PRKAG1: variants seen among roughly 807,000 people sequenced by gnomAD.
PRKAG1 encodes 5'-AMP-activated protein kinase subunit gamma-1.
A neutral mutation model predicts 48.2 loss-of-function variants in PRKAG1; 27 were observed. The ratio of observed to expected loss-of-function variants is 0.56; its 90% CI spans 0.41 to 0.77. The LOEUF is 0.77. Ranked by LOEUF, PRKAG1 falls within the 30% of genes least tolerant of loss-of-function variation. PRKAG1 has a pLI of 0.00. For synonymous variants in PRKAG1, 130 were observed against 147.7 expected (o/e 0.88, Z 0.87); for missense variants, 287 against 398.3 (o/e 0.72, Z 2.38).
At position 49,005,700 on chromosome 12, in the gene PRKAG1, C is replaced by G; in HGVS notation, c.168+43G>C. On this transcript the variant is annotated intron_variant, in intron 3 of 11. Transcript: ENST00000548065. The surrounding 1 kb of genome is among the most constrained non-coding windows in gnomAD (Gnocchi z 4.1). ...ATGAGATAGGATGAGAGGTATTAAA[C>G]CACAGGCTCCAAAGGGGGAAGGGAA... is the stretch of plus-strand genomic sequence containing the variant. 5 of 1,608,066 alleles carry G rather than the reference C, an allele frequency of 3.1e-6. No individual in the cohort carries two copies. The highest frequency in any genetic ancestry group is 4.3e-6 in the Non-Finnish European group (5 of 1,174,660).
At chr12:49,008,178 C>G (rs1393637451) in intron 2 of PRKAG1, among the ~76,000 whole-genome samples, 4 of 152,200 alleles carry the variant, frequency 2.6e-5, no homozygotes, top group African/African-American at 9.6e-5. Flanking sequence ...ATCATTTTGA[C>G]TGAATATTTA....
chr12:49,007,219 G>A (rs1015129904), intron 2 of PRKAG1, among the ~76,000 whole-genome samples: 2 of 151,806 alleles, frequency 1.3e-5, no homozygotes, highest in Non-Finnish European at 2.9e-5. Context: ...CCCAGGAGGT[G>A]GAGGTTGCAG....
chr12:49,003,191 G>C lies in PRKAG1; in HGVS notation c.841C>G (p.Leu281Val). The C allele has an allele frequency of 6.2e-7, 1 of 1,614,182 alleles. No individual in the cohort carries two copies. The highest frequency in any genetic ancestry group is 8.5e-7 in the Non-Finnish European group (1 of 1,180,036). ...HYFEGVLKCY[L>V]HETLETIINR... ...ATGATGGTCTCCAGAGTCTCATGCA[G>C]GTAGCACTTGAGAACACCCTCAAAG... Residue 281 changes from leucine to valine, a missense_variant, in exon 11 of 12, where the codon CTG (leucine) becomes GTG (valine). Transcript: ENST00000548065.
At chr12:49,008,123 T>G (rs1233156230) in intron 2 of PRKAG1, among the ~76,000 whole-genome samples, 1 of 152,174 alleles carries the variant, frequency 6.6e-6, no homozygotes, top group Non-Finnish European at 1.5e-5. Context: ...CCTCCCAAAG[T>G]GCTGAGATTA....
intron 1 of PRKAG1, chr12:49,018,475 A>T: frequency 7.4e-7 from 1 of 1,358,446 alleles, no homozygotes; most frequent in Non-Finnish European, 9.5e-7. Flanking sequence ...GTGGGCCCCA[A>T]GGAGGGAGCC....
chr12:49,015,320 GTTCA>G (rs930016127), intron 1 of PRKAG1, among the ~76,000 whole-genome samples: 2 of 152,180 alleles, frequency 1.3e-5, no homozygotes, highest in Admixed American at 1.3e-4. Context: ...CAGTTATTTT[GTTCA>G]TTATCTATCC....
chr12:49,004,771 AAGAGAGAGAG>A, intron 7 of PRKAG1, 138 bp from the exon 8 acceptor site: 2 of 1,194,728 alleles, frequency 1.7e-6, no homozygotes, highest in Non-Finnish European at 2.3e-6. Context: ...CTTAAAGAGA[AAGAGAGAGAG>A]AGAGAGAGTG....
chr12:49,016,467 C>T (rs1458123446), intron 1 of PRKAG1: 1 of 152,240 alleles, frequency 6.6e-6, no homozygotes, highest in Non-Finnish European at 1.5e-5. Flanking sequence ...ATTATTCTCG[C>T]TGTGGTTCCC....
At position 49,003,942 on chromosome 12, in the gene PRKAG1, C is replaced by A. The variant is rs183574074; in HGVS notation, c.538-20G>T. The A allele has an allele frequency of 6.4e-7, 1 of 1,571,146 alleles. No homozygotes were observed. Among genetic ancestry groups the A allele is most frequent in the East Asian group, 2.3e-5 (1 of 44,348 alleles). ...AGTGATCTGAGGAAAGAACCATCAGCTTAACTTTCAAGGCACCCAAAGCCA... is the reference window on the plus strand; with the variant it reads ...AGTGATCTGAGGAAAGAACCATCAGATTAACTTTCAAGGCACCCAAAGCCA... On this transcript the variant is annotated intron_variant, in intron 8 of 11. Transcript: ENST00000548065.
chr12:49,004,771 AAGAGAGAG>A lies in PRKAG1; in HGVS notation c.411-146_411-139del, dbSNP rs145803889. 1.9e-5 allele frequency: 23 copies of A among 1,195,172 alleles called. No homozygotes were observed. In the African/African-American group the frequency reaches 3.7e-4, roughly 19 times the overall value. 74.0% of individuals were successfully genotyped at this position (1,195,172 alleles called of 1,614,324 possible). ...AGTGTACAGGCCAGACTTAAAGAGA[AAGAGAGAG>A]AGAGAGAGAGTGAGAATGAGAGAGA... is the stretch of plus-strand genomic sequence containing the variant. On this transcript the variant is annotated intron_variant, in intron 7 of 11. Coordinates refer to ENST00000548065, the MANE Select transcript of PRKAG1 (RefSeq NM_002733.5).
intron 2 of PRKAG1, chr12:49,008,460 C>T (rs1214887197): frequency 6.6e-6 from 1 of 152,238 alleles, no homozygotes; most frequent in African/African-American, 2.4e-5. Context: ...CTGGTGTGCA[C>T]TGCTGTCATC....
chr12:49,015,308 TAC>T (rs1344581997), intron 1 of PRKAG1, among the ~76,000 whole-genome samples: 1 of 152,260 alleles, frequency 6.6e-6, no homozygotes, highest in Non-Finnish European at 1.5e-5. Flanking sequence ...TGTACTGTGC[TAC>T]AGTTATTTTG....
At chr12:49,009,695 C>A (rs563063430) in intron 2 of PRKAG1, among the ~76,000 whole-genome samples, 1 of 152,262 alleles carries the variant, frequency 6.6e-6, no homozygotes, top group South Asian at 2.1e-4. Flanking sequence ...TCACAGCAAC[C>A]TCCACCTCCT....
intron 9 of PRKAG1, 50 bp downstream of exon 9, chr12:49,003,707 C>A (rs1941396403): frequency 6.2e-7 from 1 of 1,606,288 alleles, no homozygotes; most frequent in Non-Finnish European, 8.5e-7. Context: ...CCCAGAGCCA[C>A]CCTGACTTGC....
chr12:49,003,394 C>G, intron 10 of PRKAG1, 104 bp from the exon 11 acceptor site: 2 of 1,533,738 alleles, frequency 1.3e-6, no homozygotes, highest in South Asian at 2.4e-5. Flanking sequence ...TTGTCAGCCA[C>G]AAGCCACACC....
At position 49,003,057 on chromosome 12, in the gene PRKAG1, G is replaced by A. The variant is rs377497090; in HGVS notation, c.889-51C>T. The A allele has an allele frequency of 1.4e-5, 23 of 1,612,770 alleles. No homozygotes were observed. The African/African-American group carries it at 2.7e-4, about 19-fold the overall frequency. On this transcript the variant is annotated intron_variant, in intron 11 of 11. Transcript: ENST00000548065. ...GGGAATGTTTAGTGCTGGCCTCAGG[G>A]GAAGCCCCTCTGCCCCTACTCTCCT... is the stretch of plus-strand genomic sequence containing the variant.
At chr12:49,006,825 C>A (rs927353328) in intron 2 of PRKAG1, among the ~76,000 whole-genome samples, 5 of 150,856 alleles carry the variant, frequency 3.3e-5, no homozygotes, top group African/African-American at 7.3e-5. Context: ...CAAAATTAGC[C>A]GGGCATGGTG....
intron 10 of PRKAG1, 54 bp downstream of exon 10, chr12:49,003,504 C>G: frequency 1.3e-6 from 2 of 1,582,568 alleles, no homozygotes; most frequent in South Asian, 1.1e-5. Flanking sequence ...CCATATTTAA[C>G]AGTGCCCCCC....
rs12301949 is a variant in PRKAG1, at chr12:49,004,806, A to T, written c.410+158T>A. On this transcript the variant is annotated intron_variant, in intron 7 of 11. Coordinates refer to ENST00000548065, the MANE Select transcript of PRKAG1 (RefSeq NM_002733.5). ...GAGAGAGAGTGAGAATGAGAGAGAG[A>T]GAGAGACTGTGTGTGTGTGTGTGTG... The T allele has an allele frequency of 6.4e-3, 8,027 of 1,245,568 alleles. 404 individuals carry two copies. The African/African-American group carries it at 0.11, about 17-fold the overall frequency. 77.2% of individuals were successfully genotyped at this position (1,245,568 alleles called of 1,614,324 possible). A position where few individuals can be genotyped will look rare whatever the true frequency, so the allele number is the denominator to read the frequency against.
Sources: gnomAD v4.1 joint callset for allele counts (sites outside exome capture counted in the v4.1 genomes callset) on GRCh38, gnomAD v4.1.1 for gene constraint, Gnocchi (gnomAD v3.1) non-coding constraint, MANE v1.5 for transcripts, NCBI Gene and HGNC (gene_info 2026-07-23, HGNC 2026-07-21) for gene names.